AKAP6: variants seen among roughly 807,000 people sequenced by gnomAD.
AKAP6 encodes A-kinase anchoring protein 6, also known as A-kinase anchor protein 6.
Under a neutral mutation model 188.5 loss-of-function variants are expected in AKAP6, and 58 were observed. That is an observed-to-expected ratio of 0.31 (90% CI 0.25 to 0.38). The LOEUF (loss-of-function observed/expected upper bound fraction) is 0.38, where lower values mean the gene tolerates loss of function less well. Among genes scored for constraint, AKAP6 ranks in the 10% least tolerant of loss-of-function variants. The probability of loss-of-function intolerance (pLI) is 1.00; values close to 1 mark genes in which losing one functional copy is unlikely to be tolerated. For missense variants in AKAP6, 2,710 were observed against 2,740.0 expected (o/e 0.99, Z 0.24); for synonymous variants, 989 against 998.6 (o/e 0.99, Z 0.18).
At chr14:32,556,757 A>G (rs1485008944) in intron 4 of AKAP6, among the ~76,000 whole-genome samples, 1 of 151,804 alleles carries the variant, frequency 6.6e-6, no homozygotes, top group Admixed American at 6.6e-5. Context: ...TTTAAGTTTG[A>G]TGTAGTTTCA....
intron 1 of AKAP6, among the ~76,000 whole-genome samples, chr14:32,361,250 G>C (rs570531450): frequency 6.6e-5 from 10 of 151,900 alleles, no homozygotes; most frequent in African/African-American, 2.2e-4. Flanking sequence ...CAACATTTGA[G>C]CTGGACTCTT....
intron 4 of AKAP6, among the ~76,000 whole-genome samples, chr14:32,571,214 C>CTTT (rs3032428): frequency 4.1e-5 from 6 of 145,148 alleles, no homozygotes; most frequent in African/African-American, 1.2e-4. Context: ...CAGAAGCTGA[C>CTTT]TTTTTTTTTT....
intron 4 of AKAP6, among the ~76,000 whole-genome samples, chr14:32,548,473 C>T (rs1249453077): frequency 6.6e-6 from 1 of 151,540 alleles, no homozygotes; most frequent in Non-Finnish European, 1.5e-5. Flanking sequence ...AGATTATTCT[C>T]GCTTTACAGA....
chr14:32,754,936 G>C (rs1391999203), intron 11 of AKAP6, among the ~76,000 whole-genome samples: 1 of 151,982 alleles, frequency 6.6e-6, no homozygotes, highest in Admixed American at 6.5e-5. Flanking sequence ...TTCTCTCTTT[G>C]TCTTTGACTT....
At position 32,830,826 on chromosome 14, in the gene AKAP6, C is replaced by G. The variant is rs2140171729; in HGVS notation, c.*1021C>G. The G allele has an allele frequency of 6.5e-6, 1 of 152,672 alleles. No homozygotes were observed. The highest frequency in any genetic ancestry group is 6.5e-5 in the Admixed American group (1 of 15,288). The allele number at this position is 152,672 out of a possible 1,614,324, so 9.5% of individuals were successfully genotyped here. A position where few individuals can be genotyped will look rare whatever the true frequency, so the allele number is the denominator to read the frequency against. Reference sequence around the variant, plus strand: ...TTGGGGGAAAAGGAAAATTAGTGATCTCTTCTACTATGTTCTTTACCAAAT... The same window carrying G: ...TTGGGGGAAAAGGAAAATTAGTGATGTCTTCTACTATGTTCTTTACCAAAT... On this transcript the variant is annotated 3_prime_UTR_variant, in exon 14 of 14. Coordinates refer to ENST00000280979, the MANE Select transcript of AKAP6 (RefSeq NM_004274.5).
At chr14:32,716,786 A>G (rs547827953) in intron 9 of AKAP6, among the ~76,000 whole-genome samples, 18 of 151,718 alleles carry the variant, frequency 1.2e-4, no homozygotes, top group Non-Finnish European at 1.9e-4. Context: ...CAATAGTTAC[A>G]ATACATTATT....
At chr14:32,676,034 T>G (rs578227062) in intron 7 of AKAP6, among the ~76,000 whole-genome samples, 1 of 152,268 alleles carries the variant, frequency 6.6e-6, no homozygotes, top group Non-Finnish European at 1.5e-5. Context: ...ATCAAGCTTG[T>G]GACTTAGGAT....
intron 1 of AKAP6, among the ~76,000 whole-genome samples, chr14:32,331,419 A>C (rs1886530403): frequency 6.6e-6 from 1 of 152,012 alleles, no homozygotes; most frequent in African/African-American, 2.4e-5. Context: ...GCAGTTATCT[A>C]GTGGAACATC....
At position 32,836,543 on chromosome 14, in the gene AKAP6, C is replaced by G. The variant is rs924500357; in HGVS notation, c.*6738C>G. On this transcript the variant is annotated 3_prime_UTR_variant, in exon 14 of 14. Coordinates refer to ENST00000280979, the MANE Select transcript of AKAP6 (RefSeq NM_004274.5). ...TTTGCCAAACATTAGTAAACAATTT[C>G]CAGTGAATACTCTGCCCCATTCTCT... 6.6e-6 allele frequency: 1 copy of G among 152,080 alleles called. No homozygotes were observed. The highest frequency in any genetic ancestry group is 2.4e-5 in the African/African-American group (1 of 41,384). 9.4% of individuals were successfully genotyped at this position (152,080 alleles called of 1,614,324 possible). A position where few individuals can be genotyped will look rare whatever the true frequency, so the allele number is the denominator to read the frequency against.
At chr14:32,602,782 A>G (rs1305399727) in intron 7 of AKAP6, among the ~76,000 whole-genome samples, 1 of 152,162 alleles carries the variant, frequency 6.6e-6, no homozygotes, top group African/African-American at 2.4e-5. Flanking sequence ...AGGAGGGCAA[A>G]GAGAGGTTAG....
At chr14:32,549,451 T>C (rs746418704) in intron 4 of AKAP6, among the ~76,000 whole-genome samples, 2 of 152,014 alleles carry the variant, frequency 1.3e-5, no homozygotes, top group African/African-American at 4.8e-5. Context: ...GAAATGAGAA[T>C]GAGCATGGAT....
At chr14:32,396,439 C>T (rs1048918494) in intron 1 of AKAP6, among the ~76,000 whole-genome samples, 2 of 152,168 alleles carry the variant, frequency 1.3e-5, no homozygotes, top group Non-Finnish European at 2.9e-5. Context: ...CCATCTACCC[C>T]ATTTCTACAT....
At chr14:32,377,601 A>G (rs1410895749) in intron 1 of AKAP6, among the ~76,000 whole-genome samples, 1 of 152,128 alleles carries the variant, frequency 6.6e-6, no homozygotes, top group Non-Finnish European at 1.5e-5. Context: ...TTCCTAGAAA[A>G]GGGCTGCCCA....
At chr14:32,642,650 A>G (rs939231369) in intron 7 of AKAP6, among the ~76,000 whole-genome samples, 1 of 152,222 alleles carries the variant, frequency 6.6e-6, no homozygotes, top group African/African-American at 2.4e-5. Flanking sequence ...CATTTAAAAA[A>G]TACTCCACAT....
intron 2 of AKAP6, among the ~76,000 whole-genome samples, chr14:32,517,455 T>C (rs1391213799): frequency 6.6e-6 from 1 of 152,104 alleles, no homozygotes; most frequent in African/African-American, 2.4e-5. Context: ...GTGCAGCCTA[T>C]GGAGTGTGAG....
intron 12 of AKAP6, among the ~76,000 whole-genome samples, chr14:32,808,464 G>A (rs2034144250): frequency 6.6e-6 from 1 of 152,192 alleles, no homozygotes; most frequent in Non-Finnish European, 1.5e-5. Context: ...AACTTCAGGT[G>A]TTTTTGTATT....
intron 5 of AKAP6, among the ~76,000 whole-genome samples, chr14:32,587,301 T>C (rs930264164): frequency 5.3e-5 from 8 of 152,226 alleles, no homozygotes; most frequent in African/African-American, 1.4e-4. Flanking sequence ...TAGGAAATTT[T>C]TAAAAAGTAT....
At chr14:32,611,533 C>T (rs917896696) in intron 7 of AKAP6, among the ~76,000 whole-genome samples, 1 of 152,044 alleles carries the variant, frequency 6.6e-6, no homozygotes, top group Non-Finnish European at 1.5e-5. Context: ...ATAGCTGTAA[C>T]CTTGGAAGTT....
chr14:32,431,425 T>C (rs1890221990), intron 1 of AKAP6, among the ~76,000 whole-genome samples: 1 of 152,212 alleles, frequency 6.6e-6, no homozygotes, highest in Non-Finnish European at 1.5e-5. Context: ...AAGGCAGGTA[T>C]CAAAGTGATA....
Sources: allele counts gnomAD v4.1 joint callset (sites outside exome capture counted in the v4.1 genomes callset), GRCh38; gene constraint gnomAD v4.1.1; transcripts MANE v1.5; gene names NCBI Gene and HGNC (gene_info 2026-07-23, HGNC 2026-07-21).